Variants in DLG2 observed in about 807,000 individuals in gnomAD.
The protein encoded by DLG2 is disks large homolog 2.
In DLG2, 45 loss-of-function variants were observed where a neutral mutation model predicts 132.5. The ratio of observed to expected loss-of-function variants is 0.34; its 90% CI spans 0.27 to 0.44. The LOEUF is 0.44. Ranked by LOEUF, DLG2 falls within the 20% of genes least tolerant of loss-of-function variation. The pLI, the probability that DLG2 is intolerant of heterozygous loss-of-function variation, is 1.00. For synonymous variants in DLG2, 424 were observed against 419.6 expected (o/e 1.01, Z -0.13); for missense variants, 1,045 against 1,196.9 (o/e 0.87, Z 1.87).
chr11:84,521,391 T>A (rs1288071507), intron 7 of DLG2, among the ~76,000 whole-genome samples: 2 of 152,208 alleles, frequency 1.3e-5, no homozygotes, highest in African/African-American at 4.8e-5. Context: ...AAGACCCGGA[T>A]TCCTGTCTCA....
At chr11:85,049,475 C>A (rs1161687018) in intron 6 of DLG2, among the ~76,000 whole-genome samples, 1 of 146,770 alleles carries the variant, frequency 6.8e-6, no homozygotes, top group Admixed American at 6.9e-5. Context: ...ACATTATTGA[C>A]ATTTTATTTT....
At chr11:83,542,795 C>A (rs551387525) in intron 19 of DLG2, among the ~76,000 whole-genome samples, 2 of 152,160 alleles carry the variant, frequency 1.3e-5, no homozygotes, top group South Asian at 4.2e-4. Flanking sequence ...ATCCCATTTT[C>A]AAAAATCACC....
At chr11:84,856,495 G>A (rs757334271) in intron 6 of DLG2, among the ~76,000 whole-genome samples, 3 of 152,132 alleles carry the variant, frequency 2.0e-5, no homozygotes, top group Non-Finnish European at 4.4e-5. Context: ...CTACCACTGT[G>A]TTACCCTTCA....
chr11:84,719,353 TTCTC>T lies in DLG2; in HGVS notation c.358-184626_358-184623del, dbSNP rs147012671. Among the ~76,000 whole-genome samples, 9 of 152,104 alleles carry T rather than the reference TTCTC, an allele frequency of 5.9e-5. No homozygotes were observed. In the East Asian group the frequency reaches 1.2e-3, roughly 20 times the overall value. On this transcript the variant is annotated intron_variant, in intron 6 of 27. Transcript: ENST00000376104. Reference sequence around the variant, plus strand: ...TTCAGATGAAGAAAGCTCTCTCTCTTTCTCTCTCTCTCTCCTTAGACAGTCACCA... The same window carrying T: ...TTCAGATGAAGAAAGCTCTCTCTCTTTCTCTCTCTCCTTAGACAGTCACCA...
chr11:83,827,252 G>A (rs2053116414), intron 17 of DLG2, among the ~76,000 whole-genome samples: 1 of 152,102 alleles, frequency 6.6e-6, no homozygotes, highest in Admixed American at 6.5e-5. Flanking sequence ...TGTTATTTGA[G>A]GTAACAATAT....
chr11:84,171,859 G>A (rs922534280), intron 8 of DLG2, among the ~76,000 whole-genome samples: 1 of 152,076 alleles, frequency 6.6e-6, no homozygotes, highest in African/African-American at 2.4e-5. Context: ...CATTACAAAA[G>A]CCTGAGGCTT....
chr11:83,870,941 G>C (rs1449892472), intron 16 of DLG2, among the ~76,000 whole-genome samples: 1 of 152,158 alleles, frequency 6.6e-6, no homozygotes, highest in Non-Finnish European at 1.5e-5. Flanking sequence ...AGAATGCAAT[G>C]TAAAAGGTAC....
chr11:84,470,197 A>G (rs2099105073), intron 7 of DLG2, among the ~76,000 whole-genome samples: 1 of 151,764 alleles, frequency 6.6e-6, no homozygotes, highest in African/African-American at 2.4e-5. Context: ...TGGTAAACAT[A>G]GTTGAATCTA....
intron 7 of DLG2, among the ~76,000 whole-genome samples, chr11:84,339,324 T>A (rs1384835018): frequency 6.6e-6 from 1 of 152,222 alleles, no homozygotes; most frequent in Non-Finnish European, 1.5e-5. Context: ...TATTTCGTCA[T>A]ATCCTCAACA....
chr11:85,467,683 T>A lies in DLG2; in HGVS notation c.40+130974A>T, dbSNP rs1021027875. ...GCCCACTTGATCATGGTGGATAAGC[T>A]TTTTGATGTGCCCCTGAATTCAGTT... On this transcript the variant is annotated intron_variant, in intron 3 of 27. Transcript: ENST00000376104. 2.0e-5 allele frequency among the ~76,000 whole-genome samples: 3 copies of A among 152,220 alleles called. No homozygotes were observed. In the East Asian group the frequency reaches 5.8e-4, roughly 29 times the overall value.
At chr11:85,011,392 T>C (rs1334729054) in intron 6 of DLG2, among the ~76,000 whole-genome samples, 2 of 152,194 alleles carry the variant, frequency 1.3e-5, no homozygotes, top group South Asian at 4.1e-4. Context: ...ATGTAATCTA[T>C]CTAAGTCATT....
chr11:84,648,614 C>T (rs568394081), intron 6 of DLG2, among the ~76,000 whole-genome samples: 1 of 152,202 alleles, frequency 6.6e-6, no homozygotes. Flanking sequence ...TCATGCACTG[C>T]TGGGTGCCTT....
chr11:83,747,359 C>A (rs902340327), intron 18 of DLG2, among the ~76,000 whole-genome samples: 1 of 139,800 alleles, frequency 7.2e-6, no homozygotes, highest in South Asian at 2.4e-4. Context: ...TTCCTGCCTT[C>A]CTTCCTGTCT....
intron 4 of DLG2, among the ~76,000 whole-genome samples, chr11:85,206,965 T>C (rs1372494604): frequency 6.6e-6 from 1 of 152,218 alleles, no homozygotes; most frequent in Non-Finnish European, 1.5e-5. Context: ...TTGTTTTTCA[T>C]AGCTACACTT....
intron 21 of DLG2, among the ~76,000 whole-genome samples, chr11:83,491,636 G>GAAATT (rs1217765800): frequency 6.6e-6 from 1 of 151,984 alleles, no homozygotes; most frequent in Non-Finnish European, 1.5e-5. Flanking sequence ...AGGAGTAGCT[G>GAAATT]AAATTATATG....
At chr11:83,525,703 C>T (rs1377429577) in intron 21 of DLG2, among the ~76,000 whole-genome samples, 18 of 152,198 alleles carry the variant, frequency 1.2e-4, no homozygotes, top group Admixed American at 1.0e-3. Flanking sequence ...CTCCATGGAT[C>T]TGTAGATCAC....
At chr11:84,137,875 C>T (rs1282685307) in intron 9 of DLG2, among the ~76,000 whole-genome samples, 1 of 152,154 alleles carries the variant, frequency 6.6e-6, no homozygotes, top group Non-Finnish European at 1.5e-5. Flanking sequence ...ATTACTCTTT[C>T]TTCCCTACTG....
intron 7 of DLG2, among the ~76,000 whole-genome samples, chr11:84,365,673 A>C (rs1212028232): frequency 1.3e-5 from 2 of 151,588 alleles, no homozygotes; most frequent in East Asian, 1.9e-4. Context: ...CCCTCTACAC[A>C]CTGCTTTGAG....
At chr11:84,414,602 G>C (rs1203592523) in intron 7 of DLG2, among the ~76,000 whole-genome samples, 1 of 152,052 alleles carries the variant, frequency 6.6e-6, no homozygotes, top group Non-Finnish European at 1.5e-5. Flanking sequence ...GTATCCTTTG[G>C]TCACTCTGTT....
Sources: allele counts gnomAD v4.1 joint callset (sites outside exome capture counted in the v4.1 genomes callset), GRCh38; gene constraint gnomAD v4.1.1; transcripts MANE v1.5; gene names NCBI Gene and HGNC (gene_info 2026-07-23, HGNC 2026-07-21).